Variants in SPMIP8 observed in about 807,000 individuals in gnomAD.
SPMIP8 encodes sperm microtubule inner protein 8.
At chr16:57,984,864 A>T in the SPMIP8 span, 1 of 1,534,130 alleles carries the variant, frequency 6.5e-7, no homozygotes, top group Non-Finnish European at 8.8e-7. Flanking sequence ...GCGGGGCTGG[A>T]GCAGGGAACG....
chr16:57,985,868 C>T, the SPMIP8 span: 1 of 1,589,342 alleles, frequency 6.3e-7, no homozygotes, highest in Non-Finnish European at 8.6e-7. Context: ...GAGAGGGTCG[C>T]CCCTTCCCAT....
At chr16:57,977,987 C>T in the SPMIP8 span, 2 of 1,614,082 alleles carry the variant, frequency 1.2e-6, no homozygotes, top group Admixed American at 1.7e-5. Flanking sequence ...GGGACACCGT[C>T]AAGGCCTGCC....
the SPMIP8 span, chr16:57,986,020 A>C: frequency 6.6e-7 from 1 of 1,504,518 alleles, no homozygotes; most frequent in Non-Finnish European, 8.9e-7. Context: ...GGGCTCCCTG[A>C]CTCTGAAACC....
At chr16:57,981,747 C>T in the SPMIP8 span, among the ~76,000 whole-genome samples, 2 of 151,934 alleles carry the variant, frequency 1.3e-5, no homozygotes, top group Non-Finnish European at 2.9e-5. Flanking sequence ...AAATCCTGAC[C>T]TCAAGTGATT....
At chr16:57,977,558 TGA>T in the SPMIP8 span, among the ~76,000 whole-genome samples, 4 of 109,022 alleles carry the variant, frequency 3.7e-5, no homozygotes, top group African/African-American at 8.3e-5. Flanking sequence ...TGGCACAATG[TGA>T]GTGTGTGTGT....
chr16:57,978,540 CA>C, the SPMIP8 span, among the ~76,000 whole-genome samples: 16 of 145,014 alleles, frequency 1.1e-4, no homozygotes, highest in South Asian at 2.2e-4. Flanking sequence ...GTCTCCGTCT[CA>C]AAAAAAAAAG....
the SPMIP8 span, chr16:57,976,662 C>T: frequency 1.2e-6 from 2 of 1,610,602 alleles, no homozygotes; most frequent in South Asian, 1.1e-5. Flanking sequence ...AGCCCTTGCT[C>T]TCTTCCCCAT....
chr16:57,984,562 G>A, the SPMIP8 span: 6 of 1,492,126 alleles, frequency 4.0e-6, no homozygotes, highest in East Asian at 4.8e-5. Context: ...TGAGGCCTTT[G>A]GGATGGACTG....
At chr16:57,981,407 A>ATTATAATTATTATTATT in the SPMIP8 span, among the ~76,000 whole-genome samples, 35 of 56,406 alleles carry the variant, frequency 6.2e-4, no homozygotes, top group Non-Finnish European at 1.5e-3. Context: ...TTATTATTAT[A>ATTATAATTATTATTATT]ATAATAATTA....
At chr16:57,985,486 G>A in the SPMIP8 span, 2 of 1,613,828 alleles carry the variant, frequency 1.2e-6, no homozygotes, top group Non-Finnish European at 1.7e-6. Context: ...CCTCAGTACT[G>A]CCTCAGCCAG....
At chr16:57,984,282 C>T in the SPMIP8 span, 2 of 1,613,730 alleles carry the variant, frequency 1.2e-6, no homozygotes, top group African/African-American at 1.3e-5. Flanking sequence ...CACCTCTTCT[C>T]CCTTTCTCTT....
At chr16:57,985,291 C>T in the SPMIP8 span, 2 of 1,554,782 alleles carry the variant, frequency 1.3e-6, no homozygotes, top group Non-Finnish European at 8.7e-7. Context: ...CGCGCAGACC[C>T]GTCCCTGAGC....
the SPMIP8 span, chr16:57,976,722 G>A: frequency 2.0e-6 from 3 of 1,522,006 alleles, no homozygotes; most frequent in Non-Finnish European, 2.7e-6. Context: ...ATCCCCTAAG[G>A]CAGCTTCCCC....
chr16:57,985,092 T>G, the SPMIP8 span: 10 of 1,056,830 alleles, frequency 9.5e-6, no homozygotes, highest in Non-Finnish European at 1.2e-5. Context: ...CGTACACGTG[T>G]GGGTGGGGCT....
chr16:57,985,220 G>T, the SPMIP8 span: 2 of 1,545,758 alleles, frequency 1.3e-6, no homozygotes, highest in African/African-American at 1.4e-5. Flanking sequence ...GGGTCTCAGC[G>T]GCTACGCGGT....
chr16:57,977,959 C>T, the SPMIP8 span: 1 of 1,614,188 alleles, frequency 6.2e-7, no homozygotes, highest in Non-Finnish European at 8.5e-7. Flanking sequence ...GCCCTGCCCA[C>T]CCTGCGCCAC....
the SPMIP8 span, chr16:57,985,347 G>A: frequency 1.9e-6 from 3 of 1,572,726 alleles, no homozygotes; most frequent in African/African-American, 1.4e-5. Flanking sequence ...CGGGGGTTGA[G>A]GGGGGAGGAG....
the SPMIP8 span, among the ~76,000 whole-genome samples, chr16:57,982,755 C>A: frequency 3.3e-5 from 5 of 152,312 alleles, no homozygotes; most frequent in African/African-American, 1.2e-4. Flanking sequence ...GTAGGCCGGG[C>A]GCAGTGGCTC....
At chr16:57,983,302 T>C in the SPMIP8 span, among the ~76,000 whole-genome samples, 1 of 152,136 alleles carries the variant, frequency 6.6e-6, no homozygotes, top group Non-Finnish European at 1.5e-5. Flanking sequence ...TTGCTTGATT[T>C]CTAGGCACTC....
Sources: gnomAD v4.1 joint callset for allele counts (sites outside exome capture counted in the v4.1 genomes callset) on GRCh38, gnomAD v4.1.1 for gene constraint, MANE v1.5 for transcripts, NCBI Gene and HGNC (gene_info 2026-07-23, HGNC 2026-07-21) for gene names.